The following DFFB variants were observed in gnomAD, a reference collection of about 807,000 sequenced individuals.
DFFB encodes the protein DNA fragmentation factor 40 kDa subunit.
DFFB carries 29 observed loss-of-function variants against 32.7 expected under a neutral mutation model. That is an observed-to-expected ratio of 0.89 (90% confidence interval 0.66 to 1.21). The LOEUF is 1.21. DFFB is among the 50% of genes most tolerant of loss of function. The probability of loss-of-function intolerance (pLI) is 0.00; values close to 1 mark genes in which losing one functional copy is unlikely to be tolerated. For missense variants in DFFB, 398 were observed against 440.6 expected (o/e 0.90, Z 0.87); for synonymous variants, 170 against 177.1 (o/e 0.96, Z 0.32).
intron 2 of DFFB, among the ~76,000 whole-genome samples, chr1:3,859,060 C>T (rs572440568): frequency 6.6e-6 from 1 of 152,218 alleles, no homozygotes; most frequent in East Asian, 1.9e-4. Flanking sequence ...TTCAATTGGT[C>T]GTCTTTTTCT....
chr1:3,868,147 G>A, intron 4 of DFFB, 94 bp downstream of exon 4: 1 of 1,115,386 alleles, frequency 9.0e-7, no homozygotes, highest in Non-Finnish European at 1.4e-6. Flanking sequence ...TGGGTAGTTG[G>A]TAGGACCACA....
At chr1:3,878,670 A>G (rs940267198) in intron 6 of DFFB, among the ~76,000 whole-genome samples, 1 of 152,166 alleles carries the variant, frequency 6.6e-6, no homozygotes, top group Non-Finnish European at 1.5e-5. Context: ...TGATACTGGA[A>G]GACGGCACTG....
rs1467314769 is a variant in DFFB at position 3,869,679 on chromosome 1, G to A, written c.585G>A (p.Gln195=). 1.9e-6 allele frequency: 3 copies of A among 1,613,524 alleles called. No individual in the cohort carries two copies. In the East Asian group the frequency reaches 6.7e-5, roughly 36 times the overall value. ...EFLRVLGSMC[Q]RLRSMQYNGS... Reference sequence around the variant, plus strand: ...TGCGGGTCCTCGGCTCCATGTGCCAGAGGCTCCGGTCCATGCAGTACAATG... The same window carrying A: ...TGCGGGTCCTCGGCTCCATGTGCCAAAGGCTCCGGTCCATGCAGTACAATG... Residue 195 remains glutamine, a synonymous_variant, in exon 5 of 7, where the codon CAG becomes CAA. Transcript: ENST00000378209.
chr1:3,865,667 A>C lies in DFFB; in HGVS notation c.242-145A>C, dbSNP rs558031942. ...GCTGTTGGTGTCAGGGCAAGGACAA[A>C]GACCCGGGACACCTCAAGTCTGAGT... On this transcript the variant is annotated intron_variant, in intron 2 of 6. Coordinates refer to ENST00000378209, the MANE Select transcript of DFFB (RefSeq NM_004402.4). The surrounding 1 kb of genome is among the most constrained non-coding windows in gnomAD (Gnocchi z 4.7). 17 of 1,302,966 alleles carry C rather than the reference A, an allele frequency of 1.3e-5. No homozygotes were observed. The South Asian group carries it at 1.9e-4, about 15-fold the overall frequency. 80.7% of individuals were successfully genotyped at this position (1,302,966 alleles called of 1,614,324 possible).
chr1:3,876,950 G>C (rs985249039), intron 6 of DFFB, among the ~76,000 whole-genome samples: 16 of 152,346 alleles, frequency 1.1e-4, no homozygotes, highest in African/African-American at 3.8e-4. Flanking sequence ...AGGAGCGTCC[G>C]TGTGGGCTCT....
At chr1:3,868,907 C>T (rs563856370) in intron 4 of DFFB, among the ~76,000 whole-genome samples, 1 of 152,342 alleles carries the variant, frequency 6.6e-6, no homozygotes, top group African/African-American at 2.4e-5. Context: ...GAGGTCCTGG[C>T]GACTTGCCAT....
At chr1:3,876,875 TCCGAGGAAGACGGCCTGG>T (rs1410848286) in intron 6 of DFFB, among the ~76,000 whole-genome samples, 1 of 152,188 alleles carries the variant, frequency 6.6e-6, no homozygotes, top group Non-Finnish European at 1.5e-5. Context: ...GCTCAGCCTG[TCCGAGGAAGACGGCCTGG>T]CCCAGAGCCC....
intron 2 of DFFB, among the ~76,000 whole-genome samples, chr1:3,861,780 C>G (rs1364549696): frequency 6.6e-6 from 1 of 152,134 alleles, no homozygotes; most frequent in Non-Finnish European, 1.5e-5. Flanking sequence ...GGGAGAATGC[C>G]CAGGAGTACA....
At chr1:3,879,890 C>T (rs2124767969) in intron 6 of DFFB, among the ~76,000 whole-genome samples, 1 of 152,298 alleles carries the variant, frequency 6.6e-6, no homozygotes, top group Non-Finnish European at 1.5e-5. Flanking sequence ...TCTTTTTAAT[C>T]ACTTTAATCA....
chr1:3,880,131 G>A (rs1404311359), intron 6 of DFFB, among the ~76,000 whole-genome samples: 1 of 152,190 alleles, frequency 6.6e-6, no homozygotes, highest in African/African-American at 2.4e-5. Flanking sequence ...GAGGGTTTGA[G>A]GTGGAGGTTG....
At chr1:3,873,075 G>A in intron 6 of DFFB, 1 of 981,156 alleles carries the variant, frequency 1.0e-6, no homozygotes, top group Middle Eastern at 3.8e-4. Flanking sequence ...GCTCACTGAA[G>A]CCCTGAACTC....
intron 6 of DFFB, chr1:3,873,156 G>A (rs1645154346): frequency 8.2e-6 from 2 of 242,844 alleles, no homozygotes; most frequent in South Asian, 5.9e-5. Flanking sequence ...CACCATGCCT[G>A]GCTGGCTTAT....
chr1:3,884,728 G>A lies in DFFB; in HGVS notation c.*987G>A, dbSNP rs1265799250. 6.6e-6 allele frequency: 1 copy of A among 152,140 alleles called. No individual in the cohort carries two copies. Among genetic ancestry groups the A allele is most frequent in the East Asian group, 1.9e-4 (1 of 5,168 alleles). 9.4% of individuals were successfully genotyped at this position (152,140 alleles called of 1,614,324 possible). A position where few individuals can be genotyped will look rare whatever the true frequency, so the allele number is the denominator to read the frequency against. ...TGGGATTACAGGCACCTACCACCAGGGCCAGCTAATTTTTGTATGTTTAGT... is the reference window on the plus strand; with the variant it reads ...TGGGATTACAGGCACCTACCACCAGAGCCAGCTAATTTTTGTATGTTTAGT... On this transcript the variant is annotated 3_prime_UTR_variant, in exon 7 of 7. Coordinates refer to ENST00000378209, the MANE Select transcript of DFFB (RefSeq NM_004402.4).
intron 2 of DFFB, chr1:3,860,411 T>C (rs1644858344): frequency 2.3e-6 from 1 of 434,974 alleles, no homozygotes; most frequent in African/African-American, 2.0e-5. Flanking sequence ...GTATTTTTTG[T>C]AGAGATAGGG....
At chr1:3,871,890 CGA>C (rs751012320) in intron 5 of DFFB, among the ~76,000 whole-genome samples, 8 of 151,974 alleles carry the variant, frequency 5.3e-5, no homozygotes, top group African/African-American at 1.9e-4. Context: ...GGAGCAGGAA[CGA>C]GAGAGAGATT....
chr1:3,883,673 G>A lies in DFFB; in HGVS notation c.949G>A (p.Asp317Asn). The A allele has an allele frequency of 1.2e-6, 2 of 1,614,104 alleles. No individual in the cohort carries two copies. ...GAAAACCACCCACAAGCTCAACTGTGACCCAAGCAGAATCTACAAACCCCA... is the reference window on the plus strand; with the variant it reads ...GAAAACCACCCACAAGCTCAACTGTAACCCAAGCAGAATCTACAAACCCCA... ...HKKTTHKLNCDPSRIYKPQTR... is the reference protein window; with the variant it reads ...HKKTTHKLNCNPSRIYKPQTR... Residue 317 changes from aspartate (D) to asparagine (N), a missense_variant, in exon 7 of 7, where the codon GAC (aspartate) becomes AAC (asparagine). By Grantham distance (23) the Asp-to-Asn change is conservative. Transcript: ENST00000378209.
At chr1:3,873,477 A>ATT (rs201543955) in intron 6 of DFFB, among the ~76,000 whole-genome samples, 147 of 138,796 alleles carry the variant, frequency 1.1e-3, no homozygotes, top group East Asian at 1.7e-3. Flanking sequence ...AGGATTTGGG[A>ATT]TTTTTTTTTT....
At chr1:3,868,320 CCCTCCTCT>C (rs1025075479) in intron 4 of DFFB, among the ~76,000 whole-genome samples, 3 of 152,026 alleles carry the variant, frequency 2.0e-5, no homozygotes, top group African/African-American at 7.3e-5. Context: ...TGCCTGCCTC[CCCTCCTCT>C]CCTCCTCTCC....
intron 1 of DFFB, 50 bp from the exon 2 acceptor site, chr1:3,858,668 C>T (rs1338249355): frequency 1.9e-6 from 3 of 1,595,308 alleles, no homozygotes; most frequent in Non-Finnish European, 2.6e-6. Flanking sequence ...AGATGCAAAG[C>T]CCTCGTCTTG....
Sources: allele counts gnomAD v4.1 joint callset (sites outside exome capture counted in the v4.1 genomes callset), GRCh38; gene constraint gnomAD v4.1.1; non-coding constraint Gnocchi (gnomAD v3.1); transcripts MANE v1.5; gene names NCBI Gene and HGNC (gene_info 2026-07-23, HGNC 2026-07-21).